The following TMEM272 variants were observed in gnomAD, a reference collection of about 807,000 sequenced individuals.
TMEM272 encodes the protein transmembrane protein 272, also known as long intergenic non-protein coding RNA 282.
In TMEM272, 8 loss-of-function variants were observed where a neutral mutation model predicts 3.7. That is an observed-to-expected ratio of 2.17 (90% confidence interval 1.27 to 3.91). The LOEUF is 3.91. TMEM272 is among the 30% of genes most tolerant of loss of function. TMEM272 has a pLI of 0.00. For synonymous variants in TMEM272, 63 were observed against 39.8 expected (o/e 1.58, Z -2.20); for missense variants, 166 against 91.5 (o/e 1.81, Z -3.32).
the TMEM272 span, among the ~76,000 whole-genome samples, chr13:51,925,732 C>A: frequency 1.3e-5 from 2 of 152,142 alleles, no homozygotes; most frequent in Admixed American, 6.5e-5. Flanking sequence ...CCTAAACACC[C>A]CTTACCCACC....
At chr13:51,849,663 G>A (rs986691288), upstream of TMEM272, among the ~76,000 whole-genome samples, 2 of 152,230 alleles carry the variant, frequency 1.3e-5, no homozygotes, top group Non-Finnish European at 2.9e-5. Flanking sequence ...GTGGGAGGAT[G>A]CGCGGACACG....
chr13:51,909,024 T>A, the TMEM272 span: 1 of 1,472,974 alleles, frequency 6.8e-7, no homozygotes, highest in Admixed American at 1.7e-5. Flanking sequence ...AGTCGGAAGA[T>A]AGAGAAAAGC....
the TMEM272 span, among the ~76,000 whole-genome samples, chr13:51,862,427 C>T: frequency 3.9e-5 from 6 of 152,182 alleles, no homozygotes; most frequent in Non-Finnish European, 7.3e-5. Context: ...ACACATCTAC[C>T]TATTTGATAT....
chr13:51,823,838 A>G (rs1342444851), intron 3 of TMEM272, among the ~76,000 whole-genome samples: 1 of 152,250 alleles, frequency 6.6e-6, no homozygotes, highest in African/African-American at 2.4e-5. Flanking sequence ...CTAGGTATAC[A>G]GAGAGCCATA....
the TMEM272 span, among the ~76,000 whole-genome samples, chr13:51,887,832 T>C: frequency 2.6e-5 from 4 of 152,226 alleles, no homozygotes; most frequent in Non-Finnish European, 5.9e-5. Flanking sequence ...AAGGGGCTGC[T>C]GAGAGTAAAG....
At chr13:51,840,758 T>C (rs1383313812) in intron 1 of TMEM272, among the ~76,000 whole-genome samples, 4 of 152,236 alleles carry the variant, frequency 2.6e-5, no homozygotes, top group Admixed American at 1.3e-4. Flanking sequence ...TATTCAAATG[T>C]CTCTTCACAA....
rs941087106 is a variant in TMEM272 at position 51,814,259 on chromosome 13, C to T, written c.*2492G>A. On this transcript the variant is annotated 3_prime_UTR_variant, in exon 5 of 5. Transcript: ENST00000629372. ...AGAACCACAGTTATAGACCATTTGC[C>T]TTACTTAGCCCCAGAGCCTCTTTCT... 7.2e-5 allele frequency: 11 copies of T among 152,232 alleles called. No individual in the cohort carries two copies. The highest frequency in any genetic ancestry group is 2.2e-4 in the African/African-American group (9 of 41,450). The allele number at this position is 152,232 out of a possible 1,614,324, so 9.4% of individuals were successfully genotyped here.
the TMEM272 span, among the ~76,000 whole-genome samples, chr13:51,894,363 A>C: frequency 6.6e-6 from 1 of 152,198 alleles, no homozygotes; most frequent in African/African-American, 2.4e-5. Flanking sequence ...TCAGCACAGG[A>C]AATACCAGCT....
rs148808404 is a variant in TMEM272 at position 51,822,926 on chromosome 13, A to T, written c.119-789T>A. On this transcript the variant is annotated intron_variant, in intron 3 of 4. Coordinates refer to ENST00000629372, the MANE Select transcript of TMEM272 (RefSeq NM_001351003.2). ...GAAGAAATGCCCATTTCCCTCAGGGACCAGTCTGGCTCAAACAACCAAGCT... is the reference window on the plus strand; with the variant it reads ...GAAGAAATGCCCATTTCCCTCAGGGTCCAGTCTGGCTCAAACAACCAAGCT... Among the ~76,000 whole-genome samples the T allele has an allele frequency of 3.7e-3, 571 of 152,336 alleles. 4 individuals are homozygous for T. The highest frequency in any genetic ancestry group is 6.2e-3 in the Non-Finnish European group (424 of 68,038).
chr13:51,872,017 A>G, the TMEM272 span, among the ~76,000 whole-genome samples: 570 of 152,288 alleles, frequency 3.7e-3, 3 homozygotes, highest in African/African-American at 0.012. Context: ...CCATGCACAC[A>G]GAGCTTCTAA....
chr13:51,877,585 G>T, the TMEM272 span, among the ~76,000 whole-genome samples: 1 of 152,200 alleles, frequency 6.6e-6, no homozygotes, highest in Non-Finnish European at 1.5e-5. Flanking sequence ...CAAGAAAGTA[G>T]AAACAGCAAA....
At chr13:51,899,009 C>T in the TMEM272 span, among the ~76,000 whole-genome samples, 1 of 152,172 alleles carries the variant, frequency 6.6e-6, no homozygotes, top group Non-Finnish European at 1.5e-5. Flanking sequence ...ACTGTCTAGA[C>T]TGCATGTCTT....
At chr13:51,894,502 T>C in the TMEM272 span, among the ~76,000 whole-genome samples, 42 of 152,300 alleles carry the variant, frequency 2.8e-4, no homozygotes, top group East Asian at 6.4e-3. Context: ...CAGCTGGGGA[T>C]GAGGCGATGG....
chr13:51,863,388 G>A, the TMEM272 span, among the ~76,000 whole-genome samples: 7 of 152,170 alleles, frequency 4.6e-5, no homozygotes, highest in Non-Finnish European at 1.0e-4. Context: ...ACAGTGCAGG[G>A]GCAGATGAGA....
the TMEM272 span, among the ~76,000 whole-genome samples, chr13:51,872,448 G>A: frequency 6.6e-6 from 1 of 152,024 alleles, no homozygotes; most frequent in African/African-American, 2.4e-5. Flanking sequence ...TCCACACACT[G>A]AGATCAAAAA....
chr13:51,913,599 G>A, the TMEM272 span, among the ~76,000 whole-genome samples: 2,619 of 152,276 alleles, frequency 0.017, 29 homozygotes, highest in Non-Finnish European at 0.029. Flanking sequence ...GATGTCGGAC[G>A]CTCTAGGCTA....
the TMEM272 span, among the ~76,000 whole-genome samples, chr13:51,871,832 ACACACACAC>A: frequency 1.4e-5 from 2 of 144,222 alleles, no homozygotes; most frequent in African/African-American, 5.4e-5. Context: ...ACACACACAC[ACACACACAC>A]ACAAACAGAG....
chr13:51,878,726 T>C, the TMEM272 span, among the ~76,000 whole-genome samples: 16 of 152,380 alleles, frequency 1.1e-4, no homozygotes, highest in African/African-American at 3.8e-4. Context: ...GAGATTTTTC[T>C]ACACTGCTAA....
the TMEM272 span, among the ~76,000 whole-genome samples, chr13:51,858,176 A>G: frequency 0.93 from 141,985 of 152,308 alleles, 66,432 homozygotes; most frequent in East Asian, 1. Context: ...TGACAGAACA[A>G]GCAGCCAGAA....
Sources: gnomAD v4.1 joint callset for allele counts (sites outside exome capture counted in the v4.1 genomes callset) on GRCh38, gnomAD v4.1.1 for gene constraint, MANE v1.5 for transcripts, NCBI Gene and HGNC (gene_info 2026-07-23, HGNC 2026-07-21) for gene names.